Variants in ZBTB20 observed in about 807,000 individuals in gnomAD.
ZBTB20 encodes zinc finger and BTB domain-containing protein 20.
Under a neutral mutation model 56.9 loss-of-function variants are expected in ZBTB20, and 9 were observed. The ratio of observed to expected loss-of-function variants is 0.16; its 90% CI spans 0.10 to 0.28. The LOEUF is 0.28. Ranked by LOEUF, ZBTB20 falls within the 10% of genes least tolerant of loss-of-function variation. The pLI is 1.00. For missense variants in ZBTB20, 655 were observed against 1,003.0 expected (o/e 0.65, Z 4.69); for synonymous variants, 417 against 420.7 (o/e 0.99, Z 0.11).
rs2078762409 is a variant in ZBTB20 at position 114,318,246 on chromosome 3, G to A, written c.*20759C>T. On this transcript the variant is annotated 3_prime_UTR_variant, in exon 12 of 12. Coordinates refer to ENST00000675478, the MANE Select transcript of ZBTB20 (RefSeq NM_001348800.3). ...ACAGAGTCAAAGAGGAGGTGGGCAA[G>A]ATCCCTTGTGCTCAGTGGTCTCTTG... 1 of 152,264 alleles carries A rather than the reference G, an allele frequency of 6.6e-6. No homozygotes were observed. The highest frequency in any genetic ancestry group is 1.5e-5 in the Non-Finnish European group (1 of 68,060). 9.4% of individuals were successfully genotyped at this position (152,264 alleles called of 1,614,324 possible). A position where few individuals can be genotyped will look rare whatever the true frequency, so the allele number is the denominator to read the frequency against.
At chr3:114,431,711 A>G (rs1048069797) in intron 7 of ZBTB20, among the ~76,000 whole-genome samples, 7 of 152,168 alleles carry the variant, frequency 4.6e-5, no homozygotes, top group African/African-American at 1.7e-4. Context: ...TGACAAAAAT[A>G]TCTACAGTGA....
chr3:114,512,992 T>C (rs1275189150), intron 6 of ZBTB20, among the ~76,000 whole-genome samples: 2 of 152,144 alleles, frequency 1.3e-5, no homozygotes, highest in South Asian at 4.1e-4. Context: ...TATTCTCTTA[T>C]AAGGAGTTAC....
At chr3:115,139,210 G>A (rs976437371) in intron 1 of ZBTB20, among the ~76,000 whole-genome samples, 6 of 152,052 alleles carry the variant, frequency 3.9e-5, no homozygotes, top group Admixed American at 6.5e-5. Context: ...GAGGAAATGA[G>A]AGGATTCAGG....
chr3:114,597,009 T>C (rs756991882), intron 6 of ZBTB20, among the ~76,000 whole-genome samples: 12 of 152,084 alleles, frequency 7.9e-5, no homozygotes, highest in Non-Finnish European at 1.5e-4. Context: ...CAAATATAAA[T>C]ACTTCCCGAC....
chr3:114,544,418 TTTCTTTCTTTC>T (rs1331069981), intron 6 of ZBTB20, among the ~76,000 whole-genome samples: 9 of 24,328 alleles, frequency 3.7e-4, no homozygotes, highest in South Asian at 1.7e-3. Context: ...TCTTTCTTTC[TTTCTTTCTTTC>T]TTTCTTTCTT....
At chr3:114,429,237 AGTT>A (rs1176443458) in intron 7 of ZBTB20, among the ~76,000 whole-genome samples, 6 of 152,204 alleles carry the variant, frequency 3.9e-5, no homozygotes, top group African/African-American at 2.4e-5. Context: ...TTAACAGTAT[AGTT>A]GTTTTATATC....
rs746718389 is a variant in ZBTB20 at position 114,900,518 on chromosome 3, C to CAT, written c.-455-177_-455-176insAT. 2.9e-3 allele frequency: 403 copies of CAT among 138,696 alleles called. 5 individuals are homozygous for CAT. The highest frequency in any genetic ancestry group is 3.6e-3 in the Non-Finnish European group (222 of 62,448). The allele number at this position is 138,696 out of a possible 1,614,324, so 8.6% of individuals were successfully genotyped here. ...TCATATATCTGAAAATATATACACACACACACACACACACACACACACACA... is the reference window on the plus strand; with the variant it reads ...TCATATATCTGAAAATATATACACACATACACACACACACACACACACACACA... On this transcript the variant is annotated intron_variant, in intron 3 of 11. Transcript: ENST00000675478.
In ZBTB20 at chr3:114,337,641, A is replaced by G. The variant is rs1393751250; in HGVS notation, c.*1364T>C. On this transcript the variant is annotated 3_prime_UTR_variant, in exon 12 of 12. Coordinates refer to ENST00000675478, the MANE Select transcript of ZBTB20 (RefSeq NM_001348800.3). ...AAATTACAGCAGGGATGGGCTGGCC[A>G]CAGAGGCCCTCATCAACCCAGGCAA... is the stretch of plus-strand genomic sequence containing the variant. 6.6e-6 allele frequency: 1 copy of G among 152,228 alleles called. No individual in the cohort carries two copies. The highest frequency in any genetic ancestry group is 1.5e-5 in the Non-Finnish European group (1 of 68,038). The allele number at this position is 152,228 out of a possible 1,614,324, so 9.4% of individuals were successfully genotyped here.
In ZBTB20 at chr3:114,706,692, G is replaced by A. The variant is rs535307339; in HGVS notation, c.-342-13117C>T. Among the ~76,000 whole-genome samples, 12 of 152,124 alleles carry A rather than the reference G, an allele frequency of 7.9e-5. 1 individual carries two copies. The South Asian group carries it at 2.5e-3, about 32-fold the overall frequency. On this transcript the variant is annotated intron_variant, in intron 5 of 11. Coordinates refer to ENST00000675478, the MANE Select transcript of ZBTB20 (RefSeq NM_001348800.3). Reference sequence around the variant, plus strand: ...CCAGCTAAGGAATAACTGCTGCAAGGTCACAGATACAAAAGGCCACACTTT... The same window carrying A: ...CCAGCTAAGGAATAACTGCTGCAAGATCACAGATACAAAAGGCCACACTTT...
intron 3 of ZBTB20, among the ~76,000 whole-genome samples, chr3:114,900,804 C>CA (rs1274821989): frequency 2.0e-5 from 3 of 151,566 alleles, no homozygotes; most frequent in African/African-American, 4.8e-5. Context: ...GAGCAGTCCA[C>CA]AAAAAAATGC....
At chr3:114,766,056 A>G (rs2068763257) in intron 5 of ZBTB20, among the ~76,000 whole-genome samples, 1 of 152,196 alleles carries the variant, frequency 6.6e-6, no homozygotes. Context: ...AGTTCTGGGT[A>G]AAGAAGAGGT....
intron 1 of ZBTB20, among the ~76,000 whole-genome samples, chr3:115,096,777 T>C (rs1560569589): frequency 6.6e-6 from 1 of 152,248 alleles, no homozygotes; most frequent in African/African-American, 2.4e-5. Context: ...TCTATATTTA[T>C]AGAAAGCCAG....
intron 11 of ZBTB20, among the ~76,000 whole-genome samples, chr3:114,341,815 G>C (rs944426813): frequency 1.3e-5 from 2 of 152,184 alleles, no homozygotes; most frequent in East Asian, 3.8e-4. Context: ...GGTCCTTTGT[G>C]GATTTAGTGG....
intron 6 of ZBTB20, among the ~76,000 whole-genome samples, chr3:114,659,626 C>T (rs781258513): frequency 2.6e-5 from 4 of 152,070 alleles, no homozygotes; most frequent in Admixed American, 6.6e-5. Flanking sequence ...TTACTTGGTC[C>T]CTTGTTCTTT....
At chr3:115,073,007 T>C (rs1047787741) in intron 1 of ZBTB20, among the ~76,000 whole-genome samples, 3 of 152,236 alleles carry the variant, frequency 2.0e-5, no homozygotes, top group African/African-American at 4.8e-5. Flanking sequence ...AGTTTAGTTA[T>C]AAGCACAAGG....
At chr3:114,632,249 C>CT (rs2058998950) in intron 6 of ZBTB20, among the ~76,000 whole-genome samples, 1 of 152,342 alleles carries the variant, frequency 6.6e-6, no homozygotes, top group Admixed American at 6.5e-5. Context: ...TCTCTGCCAG[C>CT]TGCAGGTGGT....
chr3:115,122,093 A>G (rs1448342202), intron 1 of ZBTB20, among the ~76,000 whole-genome samples: 1 of 152,068 alleles, frequency 6.6e-6, no homozygotes, highest in African/African-American at 2.4e-5. Context: ...GACTATGAGA[A>G]GCAGGCAATG....
intron 3 of ZBTB20, among the ~76,000 whole-genome samples, chr3:114,957,888 C>T (rs937631645): frequency 6.6e-6 from 1 of 152,176 alleles, no homozygotes; most frequent in African/African-American, 2.4e-5. Flanking sequence ...GTACACTGTT[C>T]CAGCTACTTA....
intron 3 of ZBTB20, among the ~76,000 whole-genome samples, chr3:114,933,525 C>CA (rs1414429585): frequency 1.3e-5 from 2 of 152,178 alleles, no homozygotes; most frequent in Non-Finnish European, 2.9e-5. Context: ...CAGCCACACA[C>CA]AAAAAATGCC....
Sources: gnomAD v4.1 joint callset for allele counts (sites outside exome capture counted in the v4.1 genomes callset) on GRCh38, gnomAD v4.1.1 for gene constraint, MANE v1.5 for transcripts, NCBI Gene and HGNC (gene_info 2026-07-23, HGNC 2026-07-21) for gene names.